Variants in KCNH5 observed in about 807,000 individuals in gnomAD.
KCNH5 encodes the protein potassium voltage-gated channel subfamily H member 5, also known as voltage-gated delayed rectifier potassium channel KCNH5.
In KCNH5, 46 loss-of-function variants were observed where a neutral mutation model predicts 96.1. That is an observed-to-expected ratio of 0.48 (90% CI 0.38 to 0.61). The LOEUF is 0.61. Among genes scored for constraint, KCNH5 ranks in the 20% least tolerant of loss-of-function variants. The pLI is 0.00. For missense variants in KCNH5, 907 were observed against 1,225.8 expected (o/e 0.74, Z 3.88); for synonymous variants, 439 against 449.8 (o/e 0.98, Z 0.30).
intron 7 of KCNH5, among the ~76,000 whole-genome samples, chr14:62,888,043 T>C (rs1888633491): frequency 6.6e-6 from 1 of 152,198 alleles, no homozygotes; most frequent in Non-Finnish European, 1.5e-5. Context: ...ATTCGAAACT[T>C]TCCTAAGAGG....
chr14:62,960,236 G>C (rs938866324), intron 6 of KCNH5, among the ~76,000 whole-genome samples: 1 of 152,008 alleles, frequency 6.6e-6, no homozygotes, highest in Admixed American at 6.6e-5. Flanking sequence ...TGCTTCCTTA[G>C]GGAACTTTCA....
intron 8 of KCNH5, among the ~76,000 whole-genome samples, chr14:62,814,308 G>C (rs1230947069): frequency 6.6e-6 from 1 of 152,092 alleles, no homozygotes; most frequent in African/African-American, 2.4e-5. Flanking sequence ...TGGGCCACTG[G>C]CTTTCCAAAG....
rs544955081 is a variant in KCNH5, at chr14:62,757,208, AAATGCAATGCTAC to A, written c.2019+22507_2019+22519del. On this transcript the variant is annotated intron_variant, in intron 10 of 10. Transcript: ENST00000322893. ...TGTATTAAAAGCTGATCAACCAGAGAAATGCAATGCTACAATGCAAAGCTACAATGCAATATCC... is the reference window on the plus strand; with the variant it reads ...TGTATTAAAAGCTGATCAACCAGAGAAATGCAAAGCTACAATGCAATATCC... Among the ~76,000 whole-genome samples, 527 of 152,340 alleles carry A rather than the reference AAATGCAATGCTAC, an allele frequency of 3.5e-3. 1 individual carries two copies. Among genetic ancestry groups the A allele is most frequent in the African/African-American group, 0.012 (516 of 41,580 alleles).
chr14:62,806,408 T>C (rs1886767125), intron 8 of KCNH5, among the ~76,000 whole-genome samples: 1 of 152,106 alleles, frequency 6.6e-6, no homozygotes, highest in Non-Finnish European at 1.5e-5. Flanking sequence ...CGGGACCTCT[T>C]TCCTGTAACA....
intron 7 of KCNH5, among the ~76,000 whole-genome samples, chr14:62,890,916 C>T (rs765337169): frequency 1.3e-5 from 2 of 151,978 alleles, no homozygotes; most frequent in East Asian, 1.9e-4. Flanking sequence ...CAAATGCTGG[C>T]GAGGTTGCAG....
rs577203061 is a variant in KCNH5 at position 62,877,796 on chromosome 14, A to G, written c.1370-27944T>C. 2.1e-3 allele frequency among the ~76,000 whole-genome samples: 318 copies of G among 152,096 alleles called. 2 individuals are homozygous for G. The highest frequency in any genetic ancestry group is 6.0e-3 in the African/African-American group (249 of 41,548). Reference sequence around the variant, plus strand: ...GTGGAAGTCAGTGTGGTGATTCCTCAGGGATCTAGAACTTGAAATACCATT... The same window carrying G: ...GTGGAAGTCAGTGTGGTGATTCCTCGGGGATCTAGAACTTGAAATACCATT... On this transcript the variant is annotated intron_variant, in intron 7 of 10. Transcript: ENST00000322893.
At chr14:62,859,928 A>T (rs1034260206) in intron 7 of KCNH5, among the ~76,000 whole-genome samples, 3 of 152,252 alleles carry the variant, frequency 2.0e-5, no homozygotes, top group Non-Finnish European at 4.4e-5. Flanking sequence ...GCAGGGTGGC[A>T]GGAATGGAGA....
intron 10 of KCNH5, among the ~76,000 whole-genome samples, chr14:62,756,335 A>T (rs1885623598): frequency 6.6e-6 from 1 of 152,090 alleles, no homozygotes; most frequent in Non-Finnish European, 1.5e-5. Context: ...CCATGTTCAT[A>T]GATTGGAAGA....
At chr14:62,804,939 G>A (rs1886735546) in intron 8 of KCNH5, among the ~76,000 whole-genome samples, 1 of 152,164 alleles carries the variant, frequency 6.6e-6, no homozygotes, top group African/African-American at 2.4e-5. Context: ...TCTGTCTGCA[G>A]TCTTCATCTG....
At chr14:62,729,763 C>A (rs547918413) in intron 10 of KCNH5, among the ~76,000 whole-genome samples, 1 of 152,284 alleles carries the variant, frequency 6.6e-6, no homozygotes, top group Admixed American at 6.5e-5. Flanking sequence ...GCTAAGGGAA[C>A]ATGAGCAGAA....
chr14:62,869,480 G>A (rs1054363992), intron 7 of KCNH5, among the ~76,000 whole-genome samples: 15 of 151,754 alleles, frequency 9.9e-5, no homozygotes, highest in African/African-American at 2.4e-4. Context: ...CATTCAGTAC[G>A]TTGCTTGTTC....
chr14:62,936,235 G>A (rs1566714091), intron 7 of KCNH5, among the ~76,000 whole-genome samples: 1 of 152,120 alleles, frequency 6.6e-6, no homozygotes. Flanking sequence ...AAGAATTGCT[G>A]GGTAATAAGG....
chr14:62,718,029 A>G (rs4902178), intron 10 of KCNH5, among the ~76,000 whole-genome samples: 143,987 of 152,238 alleles, frequency 0.95, 68,552 homozygotes, highest in East Asian at 1. Flanking sequence ...AAAATCAAAT[A>G]CTGCATGGTC....
intron 10 of KCNH5, among the ~76,000 whole-genome samples, chr14:62,759,605 T>C (rs369533871): frequency 2.7e-5 from 4 of 150,484 alleles, no homozygotes; most frequent in Admixed American, 1.3e-4. Context: ...TTAAGTCTTT[T>C]CTGCTGACAA....
intron 10 of KCNH5, among the ~76,000 whole-genome samples, chr14:62,755,394 C>T (rs766993897): frequency 2.0e-5 from 3 of 152,044 alleles, no homozygotes; most frequent in Non-Finnish European, 4.4e-5. Context: ...ATAAAGAAAT[C>T]CAAAACTTGA....
Position 62,702,074 on chromosome 14 carries a change from A to G in KCNH5, c.*5434T>C, listed in dbSNP as rs537862096. Reference sequence around the variant, plus strand: ...AATTATAGAAAAAAAATCCTGAATGACTCTTGCTTTCCTTAACCATTAGGC... The same window carrying G: ...AATTATAGAAAAAAAATCCTGAATGGCTCTTGCTTTCCTTAACCATTAGGC... On this transcript the variant is annotated 3_prime_UTR_variant, in exon 11 of 11. Transcript: ENST00000322893. 1 of 152,054 alleles carries G rather than the reference A, an allele frequency of 6.6e-6. No homozygotes were observed. Among genetic ancestry groups the G allele is most frequent in the Non-Finnish European group, 1.5e-5 (1 of 67,948 alleles). 9.4% of individuals were successfully genotyped at this position (152,054 alleles called of 1,614,324 possible).
In KCNH5 at chr14:62,706,564, A is replaced by T. The variant is rs1884436808; in HGVS notation, c.*944T>A. ...GTTAGCATTTTGATATGATTACTTA[A>T]ATGCTTTATTTTTTGTATGTTTCTT... On this transcript the variant is annotated 3_prime_UTR_variant, in exon 11 of 11. Coordinates refer to ENST00000322893, the MANE Select transcript of KCNH5 (RefSeq NM_139318.5). 6.6e-6 allele frequency: 1 copy of T among 152,068 alleles called. No individual in the cohort carries two copies. The highest frequency in any genetic ancestry group is 1.9e-4 in the East Asian group (1 of 5,198). 9.4% of individuals were successfully genotyped at this position (152,068 alleles called of 1,614,324 possible). A position where few individuals can be genotyped will look rare whatever the true frequency, so the allele number is the denominator to read the frequency against.
At chr14:62,866,022 T>C (rs775246380) in intron 7 of KCNH5, among the ~76,000 whole-genome samples, 4 of 152,200 alleles carry the variant, frequency 2.6e-5, no homozygotes, top group African/African-American at 7.2e-5. Context: ...TGTGATGACA[T>C]ATGAAGACAG....
chr14:62,924,316 A>G (rs1402680062), intron 7 of KCNH5, among the ~76,000 whole-genome samples: 1 of 151,992 alleles, frequency 6.6e-6, no homozygotes, highest in East Asian at 1.9e-4. Flanking sequence ...AAGTCAAAAG[A>G]TAGCAATTGT....
Sources: allele counts gnomAD v4.1 joint callset (sites outside exome capture counted in the v4.1 genomes callset), GRCh38; gene constraint gnomAD v4.1.1; transcripts MANE v1.5; gene names NCBI Gene and HGNC (gene_info 2026-07-23, HGNC 2026-07-21).